Variants in DSCAML1 observed in about 807,000 individuals in gnomAD.
DSCAML1 encodes the protein cell adhesion molecule DSCAML1.
A neutral mutation model predicts 200.5 loss-of-function variants in DSCAML1; 38 were observed. The observed-to-expected ratio is 0.19, with a 90% confidence interval of 0.15 to 0.25. The LOEUF is 0.25. Among genes scored for constraint, DSCAML1 ranks in the 10% least tolerant of loss-of-function variants. The pLI, the probability that DSCAML1 is intolerant of heterozygous loss-of-function variation, is 1.00. For missense variants in DSCAML1, 2,223 were observed against 2,858.8 expected, an observed-to-expected ratio of 0.78 and a Z score of 5.07; for synonymous variants, 1,215 against 1,165.0, an observed-to-expected ratio of 1.04 and a Z score of -0.87.
intron 3 of DSCAML1, among the ~76,000 whole-genome samples, chr11:117,663,455 G>A (rs1392287434): frequency 1.3e-5 from 2 of 152,032 alleles, no homozygotes; most frequent in South Asian, 2.1e-4. Context: ...GCTCTTCCAC[G>A]TGCTGGACTG....
chr11:117,637,544 A>G (rs887199594), intron 3 of DSCAML1, among the ~76,000 whole-genome samples: 2 of 152,022 alleles, frequency 1.3e-5, no homozygotes, highest in Non-Finnish European at 2.9e-5. Context: ...ACGGGGTTTC[A>G]CCATGTTGGT....
intron 8 of DSCAML1, among the ~76,000 whole-genome samples, chr11:117,509,667 C>T (rs909656230): frequency 3.3e-5 from 5 of 152,214 alleles, no homozygotes; most frequent in Non-Finnish European, 7.3e-5. Flanking sequence ...GTCTCCAAAG[C>T]AGGGTGGGGA....
chr11:117,739,334 A>G (rs1023890219), intron 3 of DSCAML1, among the ~76,000 whole-genome samples: 12 of 151,942 alleles, frequency 7.9e-5, no homozygotes, highest in African/African-American at 2.9e-4. Context: ...AAATTCTTGG[A>G]CTCCATCTCA....
In DSCAML1 at chr11:117,480,315, G is replaced by T; in HGVS notation, c.2785+128C>A. 1 of 1,391,916 alleles carries T rather than the reference G, an allele frequency of 7.2e-7. No homozygotes were observed. Among genetic ancestry groups the T allele is most frequent in the Non-Finnish European group, 9.8e-7 (1 of 1,021,822 alleles). The allele number at this position is 1,391,916 out of a possible 1,614,324, so 86.2% of individuals were successfully genotyped here. On this transcript the variant is annotated intron_variant, in intron 14 of 32. Coordinates refer to ENST00000651296, the MANE Select transcript of DSCAML1 (RefSeq NM_020693.4). This position sits in a 1 kb window ranked among gnomAD's most constrained non-coding sequence, Gnocchi z 4.1. ...CACAGCTGCTTGTGCACTGGTGGGT[G>T]CTTGTGTGTCTAGCTTGGATGGGCA...
rs532136039 is a variant in DSCAML1, at chr11:117,514,572, CTTTTTT to C, written c.1783+1889_1783+1894del. On this transcript the variant is annotated intron_variant, in intron 8 of 32. Transcript: ENST00000651296. ...TTTACTTAACTTTTCTTTTCTTTTT[CTTTTTT>C]TTTTTTTTTTTTTTTTTTTTTGAGA... 7.8e-4 allele frequency among the ~76,000 whole-genome samples: 77 copies of C among 98,298 alleles called. 1 individual carries two copies. The highest frequency in any genetic ancestry group is 5.5e-3 in the East Asian group (14 of 2,524). 64.5% of individuals were successfully genotyped at this position (98,298 alleles called of 152,430 possible).
chr11:117,627,410 T>C (rs1231512112), intron 3 of DSCAML1, among the ~76,000 whole-genome samples: 1 of 152,156 alleles, frequency 6.6e-6, no homozygotes, highest in Non-Finnish European at 1.5e-5. Context: ...TGGTGCTGAT[T>C]TCCAGGGCTT....
intron 3 of DSCAML1, among the ~76,000 whole-genome samples, chr11:117,682,848 C>G (rs2053335337): frequency 6.6e-6 from 1 of 152,150 alleles, no homozygotes; most frequent in Admixed American, 6.5e-5. Flanking sequence ...CTGCCCTGAG[C>G]CTGCTGTCTC....
At chr11:117,479,950 G>A (rs963414080) in intron 14 of DSCAML1, among the ~76,000 whole-genome samples, 6 of 152,164 alleles carry the variant, frequency 3.9e-5, no homozygotes, top group South Asian at 2.1e-4. Flanking sequence ...GCCCAGCTGG[G>A]AAGGGCTCTT....
intron 3 of DSCAML1, among the ~76,000 whole-genome samples, chr11:117,560,173 AGTGATG>A (rs779531982): frequency 1.3e-5 from 2 of 152,164 alleles, no homozygotes; most frequent in African/African-American, 2.4e-5. Context: ...GCATTTTATT[AGTGATG>A]GTGATGATGG....
chr11:117,447,933 A>G (rs545027705), intron 20 of DSCAML1, among the ~76,000 whole-genome samples: 4 of 152,368 alleles, frequency 2.6e-5, no homozygotes, highest in East Asian at 3.9e-4. Context: ...CGTCACACAC[A>G]GTGGTTAGGT....
intron 3 of DSCAML1, among the ~76,000 whole-genome samples, chr11:117,540,392 G>C (rs1051093074): frequency 1.3e-5 from 2 of 152,110 alleles, no homozygotes; most frequent in Non-Finnish European, 2.9e-5. Flanking sequence ...AGTTTCACCC[G>C]TATCCCCCTA....
chr11:117,472,547 G>A (rs574636473), intron 14 of DSCAML1, among the ~76,000 whole-genome samples: 144 of 152,242 alleles, frequency 9.5e-4, no homozygotes, highest in African/African-American at 3.3e-3. Context: ...AGTGTTATAT[G>A]TCAGGGTTGA....
At chr11:117,728,409 C>T (rs1374582247) in intron 3 of DSCAML1, among the ~76,000 whole-genome samples, 2 of 152,160 alleles carry the variant, frequency 1.3e-5, no homozygotes, top group African/African-American at 2.4e-5. Flanking sequence ...CCACTTCTGT[C>T]AACATTGTAC....
chr11:117,431,125 A>G (rs2047782158), intron 31 of DSCAML1, 92 bp from the exon 32 acceptor site: 11 of 1,318,692 alleles, frequency 8.3e-6, no homozygotes, highest in South Asian at 1.4e-5. Flanking sequence ...CCCAGCAGCC[A>G]TCTGTAAGTC....
intron 3 of DSCAML1, among the ~76,000 whole-genome samples, chr11:117,593,360 G>A (rs921833349): frequency 5.3e-5 from 8 of 152,196 alleles, no homozygotes; most frequent in Non-Finnish European, 7.4e-5. Flanking sequence ...CGTGCACCTC[G>A]CTGGGGCCTG....
intron 1 of DSCAML1, among the ~76,000 whole-genome samples, chr11:117,792,231 G>A (rs1461691950): frequency 6.6e-6 from 1 of 152,148 alleles, no homozygotes; most frequent in East Asian, 1.9e-4. Flanking sequence ...GGTGGGCCAG[G>A]CCCCTTCTGG....
rs1482915044 is a variant in DSCAML1 at position 117,552,447 on chromosome 11, C to CG, written c.512-19926dup. On this transcript the variant is annotated intron_variant, in intron 3 of 32. Transcript: ENST00000651296. ...AATCCACCCCCCTCTCCCCTGCCCC[C>CG]GAGATGAGCAGGAAGGGGACCACAC... Among the ~76,000 whole-genome samples, 8 of 152,066 alleles carry CG rather than the reference C, an allele frequency of 5.3e-5. No individual in the cohort carries two copies. The East Asian group carries it at 1.5e-3, about 29-fold the overall frequency.
intron 20 of DSCAML1, among the ~76,000 whole-genome samples, chr11:117,445,057 C>T (rs990158182): frequency 5.3e-5 from 8 of 151,986 alleles, no homozygotes; most frequent in African/African-American, 7.2e-5. Context: ...TGCACACACA[C>T]GCTCACAAGC....
chr11:117,476,825 T>A (rs777399058), intron 14 of DSCAML1, among the ~76,000 whole-genome samples: 28 of 152,148 alleles, frequency 1.8e-4, no homozygotes, highest in African/African-American at 5.8e-4. Flanking sequence ...ATGAGCAACA[T>A]GGCAGAAATC....
Sources: gnomAD v4.1 joint callset for allele counts (sites outside exome capture counted in the v4.1 genomes callset) on GRCh38, gnomAD v4.1.1 for gene constraint, Gnocchi (gnomAD v3.1) non-coding constraint, MANE v1.5 for transcripts, NCBI Gene and HGNC (gene_info 2026-07-23, HGNC 2026-07-21) for gene names.